Variants in DLD observed in about 807,000 individuals in gnomAD.
The protein encoded by DLD is dihydrolipoamide dehydrogenase.
Under a neutral mutation model 62.2 loss-of-function variants are expected in DLD, and 36 were observed. The observed-to-expected ratio is 0.58, with a 90% CI of 0.44 to 0.76. DLD has a LOEUF of 0.76. Among genes scored for constraint, DLD ranks in the 30% least tolerant of loss-of-function variants. The probability of loss-of-function intolerance (pLI) is 0.00; values close to 1 mark genes in which losing one functional copy is unlikely to be tolerated. For synonymous variants in DLD, 204 were observed against 199.6 expected, an observed-to-expected ratio of 1.02 and a Z score of -0.19; for missense variants, 541 against 608.6, an observed-to-expected ratio of 0.89 and a Z score of 1.17.
chr7:107,900,574 A>T (rs2031853157), intron 2 of DLD, among the ~76,000 whole-genome samples: 1 of 152,078 alleles, frequency 6.6e-6, no homozygotes, highest in Non-Finnish European at 1.5e-5. Context: ...GCTCTCTGGA[A>T]TTTTAGTTTA....
chr7:107,900,714 G>A (rs1335642834), intron 2 of DLD, among the ~76,000 whole-genome samples: 5 of 152,088 alleles, frequency 3.3e-5, no homozygotes, highest in Non-Finnish European at 7.4e-5. Context: ...TGACCTCTCT[G>A]AACTTCTTGT....
At chr7:107,891,150 G>A, upstream of DLD, 2 of 1,445,488 alleles carry the variant, frequency 1.4e-6, no homozygotes, top group Non-Finnish European at 1.9e-6. Context: ...TGATGACGTA[G>A]GCTGCGCCTG....
At chr7:107,896,115 G>C (rs2031716630) in intron 2 of DLD, among the ~76,000 whole-genome samples, 1 of 152,216 alleles carries the variant, frequency 6.6e-6, no homozygotes, top group South Asian at 2.1e-4. Context: ...TGGAGAAATA[G>C]TTACTGAAGG....
At chr7:107,897,605 G>A (rs929101357) in intron 2 of DLD, among the ~76,000 whole-genome samples, 2 of 130,302 alleles carry the variant, frequency 1.5e-5, no homozygotes, top group Non-Finnish European at 3.1e-5. Context: ...TTGAAACTTG[G>A]TCTCACTCTA....
intron 11 of DLD, 145 bp downstream of exon 11, chr7:107,917,607 A>G: frequency 2.1e-6 from 2 of 936,364 alleles, no homozygotes; most frequent in Non-Finnish European, 3.3e-6. Context: ...CCTTGTTAGC[A>G]TTATAAAGAG....
chr7:107,915,448 C>T (rs978846185), intron 8 of DLD, 58 bp from the exon 9 acceptor site: 107 of 1,538,932 alleles, frequency 7.0e-5, no homozygotes, highest in South Asian at 1.1e-4. Context: ...AAGATGATTT[C>T]GTAAACATTT....
intron 1 of DLD, chr7:107,891,622 C>CTATACGGGA: frequency 5.8e-6 from 3 of 514,648 alleles, no homozygotes; most frequent in Non-Finnish European, 1.1e-5. Context: ...GTGTAAGCCA[C>CTATACGGGA]CCATGTCCCG....
intron 3 of DLD, 97 bp downstream of exon 3, chr7:107,901,914 C>T: frequency 3.2e-6 from 3 of 924,224 alleles, no homozygotes; most frequent in Admixed American, 1.8e-5. Context: ...ATGGTAAATA[C>T]TTCCTTAACT....
chr7:107,911,668 G>T (rs756377455), intron 8 of DLD, among the ~76,000 whole-genome samples: 1 of 151,766 alleles, frequency 6.6e-6, no homozygotes, highest in Non-Finnish European at 1.5e-5. Flanking sequence ...TCTAGTGGTT[G>T]TGTAGTAGTA....
At chr7:107,895,302 A>G (rs1330452162) in intron 2 of DLD, among the ~76,000 whole-genome samples, 2 of 152,222 alleles carry the variant, frequency 1.3e-5, no homozygotes, top group African/African-American at 4.8e-5. Flanking sequence ...TCTTCCTTAC[A>G]TGAGTATTGA....
rs561663073 is a variant in DLD, at chr7:107,920,154, A to G, written c.*895A>G. The G allele has an allele frequency of 7.2e-5, 11 of 152,466 alleles. No individual in the cohort carries two copies. Among genetic ancestry groups the G allele is most frequent in the African/African-American group, 2.6e-4 (11 of 41,582 alleles). The allele number at this position is 152,466 out of a possible 1,614,324, so 9.4% of individuals were successfully genotyped here. ...GATACACCTACTAAATGTTTAATATATACTTTTGGAGAAGTACAACATAAG... is the reference window on the plus strand; with the variant it reads ...GATACACCTACTAAATGTTTAATATGTACTTTTGGAGAAGTACAACATAAG... On this transcript the variant is annotated 3_prime_UTR_variant, in exon 14 of 14. Transcript: ENST00000205402.
Position 107,920,285 on chromosome 7 carries a change from C to CTCT in DLD, c.*1027_*1028insCTT. ...TTAAAATGGCCATGTCCTGAGGAAA[C>CTCT]TTAAGTAACAAAGTACTAAATGCTA... On this transcript the variant is annotated 3_prime_UTR_variant, in exon 14 of 14. Transcript: ENST00000205402. 6.6e-6 allele frequency: 1 copy of CTCT among 152,266 alleles called. No homozygotes were observed. The highest frequency in any genetic ancestry group is 2.4e-5 in the African/African-American group (1 of 41,436). 9.4% of individuals were successfully genotyped at this position (152,266 alleles called of 1,614,324 possible). A position where few individuals can be genotyped will look rare whatever the true frequency, so the allele number is the denominator to read the frequency against.
At chr7:107,905,588 T>G in intron 7 of DLD, 84 bp downstream of exon 7, 1 of 1,453,126 alleles carries the variant, frequency 6.9e-7, no homozygotes, top group Admixed American at 1.7e-5. Flanking sequence ...TTGTGAACTT[T>G]GAGAGATTTC....
At chr7:107,906,680 T>C (rs888098509) in intron 8 of DLD, among the ~76,000 whole-genome samples, 1 of 152,212 alleles carries the variant, frequency 6.6e-6, no homozygotes. Flanking sequence ...CCTGGGCAAA[T>C]TGCATTCCAA....
chr7:107,892,202 G>A (rs887598396), intron 1 of DLD, among the ~76,000 whole-genome samples: 16 of 152,262 alleles, frequency 1.1e-4, no homozygotes, highest in Middle Eastern at 3.4e-3. Flanking sequence ...CCATTTTCCT[G>A]CTGTGAGCAG....
intron 2 of DLD, among the ~76,000 whole-genome samples, chr7:107,894,673 T>G (rs539551634): frequency 5.1e-4 from 78 of 152,328 alleles, no homozygotes; most frequent in Non-Finnish European, 7.8e-4. Context: ...CAGCAGAGAT[T>G]ATTCAGTGCC....
chr7:107,891,404 A>C (rs1385574747), intron 1 of DLD, 115 bp downstream of exon 1: 3 of 1,181,018 alleles, frequency 2.5e-6, no homozygotes, highest in Non-Finnish European at 2.5e-6. Context: ...CCTGGGCCGC[A>C]CCACCCCTGG....
chr7:107,918,420 C>T (rs2032323553), intron 12 of DLD, among the ~76,000 whole-genome samples: 1 of 152,156 alleles, frequency 6.6e-6, no homozygotes, highest in African/African-American at 2.4e-5. Context: ...CTCATTAATG[C>T]CATGTCACAT....
intron 1 of DLD, 145 bp downstream of exon 1, chr7:107,891,434 C>A: frequency 1.1e-6 from 1 of 890,244 alleles, no homozygotes; most frequent in South Asian, 1.4e-5. Flanking sequence ...TGCACTGGCT[C>A]AGCCCGGCCC....
Sources: gnomAD v4.1 joint callset for allele counts (sites outside exome capture counted in the v4.1 genomes callset) on GRCh38, gnomAD v4.1.1 for gene constraint, MANE v1.5 for transcripts, NCBI Gene and HGNC (gene_info 2026-07-23, HGNC 2026-07-21) for gene names.